The following MAST2 variants were observed in gnomAD, a reference collection of about 807,000 sequenced individuals.
The protein encoded by MAST2 is microtubule associated serine/threonine kinase 2, also known as microtubule-associated serine/threonine-protein kinase 2.
In MAST2, 70 loss-of-function variants were observed where a neutral mutation model predicts 147.4. That is an observed-to-expected ratio of 0.47 (90% CI 0.39 to 0.58). The LOEUF (loss-of-function observed/expected upper bound fraction) is 0.58, where lower values mean the gene tolerates loss of function less well. Ranked by LOEUF, MAST2 falls within the 20% of genes least tolerant of loss-of-function variation. The pLI is 0.00. For synonymous variants in MAST2, 869 were observed against 896.8 expected (o/e 0.97, Z 0.55); for missense variants, 2,080 against 2,302.3 (o/e 0.90, Z 1.98).
intron 4 of MAST2, among the ~76,000 whole-genome samples, chr1:45,924,488 A>AACTCAGAGTCCCCCCT (rs1654038984): frequency 6.6e-6 from 1 of 152,142 alleles, no homozygotes; most frequent in African/African-American, 2.4e-5. Context: ...AGAGGGAACT[A>AACTCAGAGTCCCCCCT]GGAGGGGGGA....
rs375917044 is a variant in MAST2 at position 46,029,817 on chromosome 1, C to T, written c.2321-14C>T. ...CTCATCCTACCCCCTTGCCCATGTC[C>T]TCCCTGTCCACAGGCAGTGCCTATG... On this transcript the variant is annotated splice_polypyrimidine_tract_variant and intron_variant, in intron 19 of 28. Coordinates refer to ENST00000361297, the MANE Select transcript of MAST2 (RefSeq NM_015112.3). The T allele has an allele frequency of 2.5e-6, 4 of 1,613,484 alleles. No individual in the cohort carries two copies. The African/African-American group carries it at 5.3e-5, about 22-fold the overall frequency.
Position 46,031,338 on chromosome 1 carries a change from GGGCAGGGAGGCTCAGCGGCATCGC to G in MAST2, c.2993-50_2993-27del, listed in dbSNP as rs201345574. 6.4e-7 allele frequency: 1 copy of G among 1,573,398 alleles called. No homozygotes were observed. The highest frequency in any genetic ancestry group is 2.3e-5 in the East Asian group (1 of 44,376). On this transcript the variant is annotated intron_variant, in intron 23 of 28. Transcript: ENST00000361297. This position sits in a 1 kb window ranked among gnomAD's most constrained non-coding sequence, Gnocchi z 4.1. ...ACGACCTAAGCTGGAGGATACTGCA[GGGCAGGGAGGCTCAGCGGCATCGC>G]GGGTCTCACTGCTTACTTGGGCCTA...
chr1:45,962,754 G>A (rs1660617310), intron 5 of MAST2, among the ~76,000 whole-genome samples: 1 of 152,086 alleles, frequency 6.6e-6, no homozygotes, highest in South Asian at 2.1e-4. Context: ...TTCTTTTTCT[G>A]TGCAGAAGCT....
intron 5 of MAST2, among the ~76,000 whole-genome samples, chr1:45,968,307 T>G (rs1312814885): frequency 6.6e-6 from 1 of 152,190 alleles, no homozygotes; most frequent in East Asian, 1.9e-4. Context: ...AGAGTTCACT[T>G]TCTCCCCTAT....
intron 4 of MAST2, among the ~76,000 whole-genome samples, chr1:45,947,288 A>G (rs1007077335): frequency 1.4e-5 from 2 of 145,150 alleles, no homozygotes; most frequent in African/African-American, 5.1e-5. Flanking sequence ...GAATACACTA[A>G]TGATAGCTGA....
At chr1:45,926,011 C>A (rs762317319) in intron 4 of MAST2, among the ~76,000 whole-genome samples, 2 of 152,154 alleles carry the variant, frequency 1.3e-5, no homozygotes, top group South Asian at 2.1e-4. Flanking sequence ...TTATTTCCTG[C>A]CAAAGAGAAA....
At chr1:45,993,502 G>C (rs1331558067) in intron 5 of MAST2, among the ~76,000 whole-genome samples, 2 of 151,982 alleles carry the variant, frequency 1.3e-5, no homozygotes, top group African/African-American at 2.4e-5. Context: ...TGGCCAACAT[G>C]GTAAAATACC....
In MAST2 at chr1:46,031,234, A is replaced by C; in HGVS notation, c.2936A>C (p.Glu979Ala). ...GGGCCTGTCACTGAACACTCAGGGG[A>C]GCAGCGGCCAAAGCTGGATGAGGAA... ...VSGPVTEHSG[E>A]QRPKLDEEAV... The change falls in exon 23 of 29, where the codon GAG (glutamate) becomes GCG (alanine). Residue 979 changes from glutamate (E) to alanine (A), a missense_variant. Transcript: ENST00000361297. The surrounding 1 kb of genome is among the most constrained non-coding windows in gnomAD (Gnocchi z 4.1). The C allele has an allele frequency of 1.3e-6, 2 of 1,542,016 alleles. No individual in the cohort carries two copies. Among genetic ancestry groups the C allele is most frequent in the Non-Finnish European group, 1.8e-6 (2 of 1,141,474 alleles).
At chr1:45,847,554 G>T in intron 3 of MAST2, 2 of 818,652 alleles carry the variant, frequency 2.4e-6, no homozygotes, top group South Asian at 1.4e-5. Flanking sequence ...TCTACTATAT[G>T]GATGAATGAC....
At position 45,923,444 on chromosome 1, in the gene MAST2, T is replaced by A. The variant is rs140960899; in HGVS notation, c.501-35942T>A. ...TAATAAATTTACAAACTCTGAGCAC[T>A]TACTAGCTCCCAGGCACTGTTCTTA... On this transcript the variant is annotated intron_variant, in intron 4 of 28. Transcript: ENST00000361297. 5.2e-3 allele frequency among the ~76,000 whole-genome samples: 789 copies of A among 152,228 alleles called. 6 individuals are homozygous for A. Among genetic ancestry groups the A allele is most frequent in the Non-Finnish European group, 7.9e-3 (539 of 68,028 alleles).
intron 5 of MAST2, among the ~76,000 whole-genome samples, chr1:45,983,684 A>T (rs1479898443): frequency 6.6e-6 from 1 of 151,960 alleles, no homozygotes. Context: ...GTAGAGATGG[A>T]GTCTCACTAT....
intron 5 of MAST2, among the ~76,000 whole-genome samples, chr1:45,960,815 T>A (rs1273940654): frequency 6.6e-6 from 1 of 152,240 alleles, no homozygotes; most frequent in African/African-American, 2.4e-5. Context: ...GTCACTGTTG[T>A]CCTAAGCCTG....
Position 45,813,496 on chromosome 1 carries a change from ATTTT to A in MAST2, c.177+9440_177+9443del, listed in dbSNP as rs34566447. On this transcript the variant is annotated intron_variant, in intron 1 of 28. Transcript: ENST00000361297. ...AGGCAGCCGCCACCACGCCTGGCCA[ATTTT>A]TTTTTTTTTTTTTTTGAGACGAAGT... Among the ~76,000 whole-genome samples the A allele has an allele frequency of 1.2e-3, 164 of 134,612 alleles. 3 individuals are homozygous for A. The South Asian group carries it at 0.03, about 24-fold the overall frequency. 88.3% of individuals were successfully genotyped at this position (134,612 alleles called of 152,430 possible).
chr1:46,032,102 G>A, intron 24 of MAST2, 76 bp from the exon 25 acceptor site: 1 of 1,108,014 alleles, frequency 9.0e-7, no homozygotes, highest in Non-Finnish European at 1.4e-6. Flanking sequence ...CTAGAGTTGT[G>A]CTGACATCAA....
At chr1:45,977,056 A>G (rs550671299) in intron 5 of MAST2, among the ~76,000 whole-genome samples, 1 of 152,384 alleles carries the variant, frequency 6.6e-6, no homozygotes, top group South Asian at 2.1e-4. Flanking sequence ...TTCCAGGTGA[A>G]TTATAATTTT....
chr1:45,987,610 C>T (rs142817599), intron 5 of MAST2, among the ~76,000 whole-genome samples: 15 of 152,062 alleles, frequency 9.9e-5, no homozygotes, highest in Non-Finnish European at 2.1e-4. Flanking sequence ...CTATGCCTGG[C>T]GTTGTGTATG....
At chr1:45,992,067 T>A (rs557256354) in intron 5 of MAST2, among the ~76,000 whole-genome samples, 1 of 152,264 alleles carries the variant, frequency 6.6e-6, no homozygotes, top group Non-Finnish European at 1.5e-5. Flanking sequence ...AGACTTCCAG[T>A]ATGATACTGA....
At chr1:45,825,069 A>G (rs1644750099) in intron 2 of MAST2, among the ~76,000 whole-genome samples, 1 of 152,208 alleles carries the variant, frequency 6.6e-6, no homozygotes, top group Non-Finnish European at 1.5e-5. Flanking sequence ...TCCGTAGCCC[A>G]GGCTGGAGTG....
intron 3 of MAST2, among the ~76,000 whole-genome samples, chr1:45,855,657 G>C (rs1180097017): frequency 6.6e-6 from 1 of 151,818 alleles, no homozygotes; most frequent in Non-Finnish European, 1.5e-5. Context: ...TTACATGTTT[G>C]TTGCTACTAG....
Sources: gnomAD v4.1 joint callset for allele counts (sites outside exome capture counted in the v4.1 genomes callset) on GRCh38, gnomAD v4.1.1 for gene constraint, Gnocchi (gnomAD v3.1) non-coding constraint, MANE v1.5 for transcripts, NCBI Gene and HGNC (gene_info 2026-07-23, HGNC 2026-07-21) for gene names.